Variants in ZBTB20 observed in about 807,000 individuals in gnomAD.
ZBTB20 encodes the protein zinc finger and BTB domain-containing protein 20.
Under a neutral mutation model 56.9 loss-of-function variants are expected in ZBTB20, and 9 were observed. The observed-to-expected ratio is 0.16, with a 90% confidence interval of 0.10 to 0.28. The LOEUF is 0.28. Ranked by LOEUF, ZBTB20 falls within the 10% of genes least tolerant of loss-of-function variation. ZBTB20 has a pLI of 1.00. For synonymous variants in ZBTB20, 417 were observed against 420.7 expected (o/e 0.99, Z 0.11); for missense variants, 655 against 1,003.0 (o/e 0.65, Z 4.69).
At chr3:114,830,649 G>C (rs2073790158) in intron 4 of ZBTB20, among the ~76,000 whole-genome samples, 1 of 151,948 alleles carries the variant, frequency 6.6e-6, no homozygotes, top group Non-Finnish European at 1.5e-5. Flanking sequence ...CCCAATCATG[G>C]ATGAGGAAAC....
At position 114,809,633 on chromosome 3, in the gene ZBTB20, A is replaced by C. The variant is rs150121306; in HGVS notation, c.-416-8459T>G. Reference sequence around the variant, plus strand: ...TGAACATATTTATAATAGTGCTTTCAACTCTTTGTTTGCTAAGTTTAACAT... The same window carrying C: ...TGAACATATTTATAATAGTGCTTTCCACTCTTTGTTTGCTAAGTTTAACAT... On this transcript the variant is annotated intron_variant, in intron 4 of 11. Transcript: ENST00000675478. Among the ~76,000 whole-genome samples, 919 of 152,230 alleles carry C rather than the reference A, an allele frequency of 6.0e-3. 5 individuals are homozygous for C. Among genetic ancestry groups the C allele is most frequent in the Non-Finnish European group, 9.7e-3 (657 of 68,002 alleles).
chr3:114,908,821 T>G (rs944758249), intron 3 of ZBTB20, among the ~76,000 whole-genome samples: 3 of 151,878 alleles, frequency 2.0e-5, no homozygotes, highest in African/African-American at 7.2e-5. Flanking sequence ...AAGTGAGAAT[T>G]TATCATATTA....
intron 2 of ZBTB20, among the ~76,000 whole-genome samples, chr3:115,022,469 G>T (rs940184437): frequency 2.0e-5 from 3 of 150,990 alleles, no homozygotes; most frequent in Non-Finnish European, 4.5e-5. Context: ...TATTTTCACT[G>T]ACAACTGCTC....
At chr3:114,624,431 C>A (rs1451140297) in intron 6 of ZBTB20, among the ~76,000 whole-genome samples, 5 of 150,968 alleles carry the variant, frequency 3.3e-5, no homozygotes, top group African/African-American at 9.7e-5. Context: ...AACTTTACAC[C>A]ACACCAGAAT....
At chr3:114,394,674 G>A (rs114004445) in intron 7 of ZBTB20, among the ~76,000 whole-genome samples, 1,689 of 152,294 alleles carry the variant, frequency 0.011, 36 homozygotes, top group African/African-American at 0.039. Context: ...TGATGCTGAT[G>A]CTACTGGTCT....
intron 7 of ZBTB20, among the ~76,000 whole-genome samples, chr3:114,452,728 T>C (rs1576828397): frequency 1.4e-5 from 2 of 141,514 alleles, no homozygotes; most frequent in South Asian, 2.3e-4. Flanking sequence ...GGGATATGAA[T>C]AGATTTTATT....
chr3:114,775,600 CACCCTGAGG>C (rs1250490041), intron 5 of ZBTB20, among the ~76,000 whole-genome samples: 14 of 151,750 alleles, frequency 9.2e-5, no homozygotes, highest in Non-Finnish European at 1.2e-4. Context: ...CTCTGAGGAG[CACCCTGAGG>C]ACCCTCTGGG....
intron 2 of ZBTB20, among the ~76,000 whole-genome samples, chr3:114,998,230 A>T (rs1336302137): frequency 2.0e-5 from 3 of 151,746 alleles, no homozygotes; most frequent in Admixed American, 2.0e-4. Context: ...ACAATAAAAT[A>T]AACAACAAAT....
chr3:114,534,566 A>G (rs887119655), intron 6 of ZBTB20, among the ~76,000 whole-genome samples: 1 of 152,198 alleles, frequency 6.6e-6, no homozygotes, highest in Admixed American at 6.5e-5. Flanking sequence ...CACTGTCAAT[A>G]TTAGACAGAT....
At chr3:115,100,152 T>C (rs1023417192) in intron 1 of ZBTB20, 4 of 152,006 alleles carry the variant, frequency 2.6e-5, no homozygotes, top group Non-Finnish European at 5.9e-5. Flanking sequence ...TTTTTTTTTT[T>C]TTAAGAAAGT....
intron 1 of ZBTB20, among the ~76,000 whole-genome samples, chr3:115,138,461 C>G (rs1018656532): frequency 6.6e-6 from 1 of 152,054 alleles, no homozygotes; most frequent in Admixed American, 6.6e-5. Context: ...TCTCTAGAAC[C>G]TTCTCCAAAT....
chr3:114,742,030 TAGAG>T (rs1408337825), intron 5 of ZBTB20, among the ~76,000 whole-genome samples: 1 of 152,124 alleles, frequency 6.6e-6, no homozygotes, highest in South Asian at 2.1e-4. Context: ...ACTGAACTCT[TAGAG>T]TGAGTGATGG....
intron 1 of ZBTB20, among the ~76,000 whole-genome samples, chr3:115,091,702 T>C (rs1025911413): frequency 3.3e-5 from 5 of 149,468 alleles, no homozygotes; most frequent in Admixed American, 1.4e-4. Context: ...AACACACACA[T>C]ATATATAATA....
intron 1 of ZBTB20, among the ~76,000 whole-genome samples, chr3:115,137,225 A>T (rs1034383895): frequency 6.6e-6 from 1 of 152,082 alleles, no homozygotes; most frequent in African/African-American, 2.4e-5. Context: ...CTTTGACTGC[A>T]TTCAGATGAT....
At chr3:114,989,323 T>C (rs951125332) in intron 2 of ZBTB20, among the ~76,000 whole-genome samples, 1 of 152,244 alleles carries the variant, frequency 6.6e-6, no homozygotes, top group Admixed American at 6.5e-5. Context: ...TACAGATGGC[T>C]AGCCAGTTTT....
intron 6 of ZBTB20, among the ~76,000 whole-genome samples, chr3:114,678,642 C>A (rs2061780160): frequency 1.3e-5 from 2 of 152,054 alleles, no homozygotes; most frequent in Admixed American, 1.3e-4. Context: ...GAGAGACTTT[C>A]AATGAAAGAA....
chr3:114,742,977 A>C (rs1257580057), intron 5 of ZBTB20, among the ~76,000 whole-genome samples: 2 of 152,176 alleles, frequency 1.3e-5, no homozygotes. Context: ...GTCTGTCTGC[A>C]GTGGTTTTTC....
At chr3:115,006,595 G>A (rs1192858468) in intron 2 of ZBTB20, among the ~76,000 whole-genome samples, 1 of 150,662 alleles carries the variant, frequency 6.6e-6, no homozygotes, top group African/African-American at 2.4e-5. Context: ...AAAATATATT[G>A]TGCCTTTATG....
intron 6 of ZBTB20, among the ~76,000 whole-genome samples, chr3:114,543,444 G>A (rs1453336991): frequency 1.3e-5 from 2 of 152,140 alleles, no homozygotes; most frequent in African/African-American, 4.8e-5. Context: ...GGACCAATAA[G>A]CTGCATTATC....
Sources: allele counts gnomAD v4.1 joint callset (sites outside exome capture counted in the v4.1 genomes callset), GRCh38; gene constraint gnomAD v4.1.1; transcripts MANE v1.5; gene names NCBI Gene and HGNC (gene_info 2026-07-23, HGNC 2026-07-21).